Variants in THSD7A observed in about 807,000 individuals in gnomAD.
THSD7A encodes thrombospondin type-1 domain-containing protein 7A.
THSD7A carries 96 observed loss-of-function variants against 231.3 expected under a neutral mutation model. That is an observed-to-expected ratio of 0.41 (90% CI 0.35 to 0.49). The LOEUF is 0.49. Among genes scored for constraint, THSD7A ranks in the 20% least tolerant of loss-of-function variants. THSD7A has a pLI of 0.05. For missense variants in THSD7A, 2,290 were observed against 2,070.2 expected (o/e 1.11, Z -2.06); for synonymous variants, 940 against 743.3 (o/e 1.26, Z -4.30).
At chr7:11,580,057 T>C (rs911830330) in intron 4 of THSD7A, among the ~76,000 whole-genome samples, 1 of 152,160 alleles carries the variant, frequency 6.6e-6, no homozygotes, top group Non-Finnish European at 1.5e-5. Context: ...CTGTTTTTTT[T>C]AAAATAACAT....
chr7:11,778,914 C>G (rs992871160), intron 1 of THSD7A, among the ~76,000 whole-genome samples: 1 of 152,054 alleles, frequency 6.6e-6, no homozygotes, highest in Non-Finnish European at 1.5e-5. Context: ...TTATAAAGCA[C>G]TTTTACATAC....
chr7:11,462,005 C>T lies in THSD7A; in HGVS notation c.2501+6G>A, dbSNP rs964426321. ...CCTCCCTCACGATGCATTTCTCTAACCCTACCTGTAGCTTTGGCACGCTTG... is the reference window on the plus strand; with the variant it reads ...CCTCCCTCACGATGCATTTCTCTAATCCTACCTGTAGCTTTGGCACGCTTG... On this transcript the variant is annotated splice_donor_region_variant and intron_variant, in intron 10 of 27. Transcript: ENST00000423059. 1.9e-6 allele frequency: 3 copies of T among 1,612,940 alleles called. No homozygotes were observed. In the Admixed American group the frequency reaches 5.0e-5, roughly 27 times the overall value.
intron 2 of THSD7A, among the ~76,000 whole-genome samples, chr7:11,633,243 C>A (rs1295028650): frequency 2.0e-5 from 3 of 152,096 alleles, no homozygotes; most frequent in Non-Finnish European, 4.4e-5. Context: ...TCTCTTGGTC[C>A]TGCTAAGATT....
chr7:11,747,627 G>T (rs1418312561), intron 1 of THSD7A, among the ~76,000 whole-genome samples: 1 of 151,846 alleles, frequency 6.6e-6, no homozygotes, highest in Non-Finnish European at 1.5e-5. Context: ...GTCTCTACCT[G>T]TAAAAAAATG....
intron 1 of THSD7A, among the ~76,000 whole-genome samples, chr7:11,782,891 G>A (rs1169638779): frequency 1.3e-5 from 2 of 152,042 alleles, no homozygotes; most frequent in African/African-American, 4.8e-5. Context: ...AATCATTGTT[G>A]ACTGTCTGTT....
At chr7:11,554,477 C>T (rs775345665) in intron 4 of THSD7A, among the ~76,000 whole-genome samples, 3 of 151,918 alleles carry the variant, frequency 2.0e-5, no homozygotes, top group South Asian at 2.1e-4. Context: ...TGAGGATGTT[C>T]TTCTCTATTC....
chr7:11,747,883 G>A (rs1252229086), intron 1 of THSD7A, among the ~76,000 whole-genome samples: 5 of 151,902 alleles, frequency 3.3e-5, no homozygotes, highest in Non-Finnish European at 7.4e-5. Context: ...GTATAAAAAG[G>A]CACAATGATA....
intron 17 of THSD7A, 54 bp from the exon 18 acceptor site, chr7:11,412,854 G>C (rs1018458833): frequency 6.4e-7 from 1 of 1,567,682 alleles, no homozygotes; most frequent in South Asian, 1.2e-5. Context: ...CTACACAACT[G>C]GTATATTAGA....
At chr7:11,545,715 C>T (rs1789351683) in intron 4 of THSD7A, among the ~76,000 whole-genome samples, 1 of 152,204 alleles carries the variant, frequency 6.6e-6, no homozygotes, top group African/African-American at 2.4e-5. Flanking sequence ...GGGGAACCCA[C>T]TCCTCAACAG....
At chr7:11,381,657 G>T (rs1029406387) in intron 24 of THSD7A, among the ~76,000 whole-genome samples, 8 of 152,166 alleles carry the variant, frequency 5.3e-5, no homozygotes, top group Non-Finnish European at 1.0e-4. Context: ...CTATGCTATG[G>T]CAATTCCTAT....
chr7:11,661,344 C>T (rs915922817), intron 1 of THSD7A, among the ~76,000 whole-genome samples: 2 of 151,016 alleles, frequency 1.3e-5, no homozygotes, highest in Non-Finnish European at 3.0e-5. Context: ...CAAATTCAGG[C>T]AAAATTGCTA....
intron 4 of THSD7A, among the ~76,000 whole-genome samples, chr7:11,543,529 A>T (rs1789242104): frequency 6.6e-6 from 1 of 152,184 alleles, no homozygotes; most frequent in South Asian, 2.1e-4. Flanking sequence ...TATATGAAAA[A>T]AATGTCCACT....
At chr7:11,409,366 G>C (rs1465652389) in intron 19 of THSD7A, among the ~76,000 whole-genome samples, 1 of 152,200 alleles carries the variant, frequency 6.6e-6, no homozygotes, top group African/African-American at 2.4e-5. Flanking sequence ...AGTCCTTGAA[G>C]ACAGTGTTTG....
At chr7:11,603,808 C>T (rs1364868281) in intron 2 of THSD7A, among the ~76,000 whole-genome samples, 1 of 146,578 alleles carries the variant, frequency 6.8e-6, no homozygotes, top group Admixed American at 7.1e-5. Context: ...TATTCTCACT[C>T]ATAGGTGGGA....
intron 4 of THSD7A, among the ~76,000 whole-genome samples, chr7:11,587,945 A>C (rs942391961): frequency 4.6e-5 from 7 of 152,132 alleles, no homozygotes; most frequent in African/African-American, 1.7e-4. Context: ...ATATGTGAAA[A>C]CAAGTCATCT....
intron 1 of THSD7A, among the ~76,000 whole-genome samples, chr7:11,744,722 G>T (rs563284447): frequency 6.6e-5 from 10 of 151,644 alleles, no homozygotes; most frequent in Non-Finnish European, 1.2e-4. Flanking sequence ...ATAGTTTGCT[G>T]AGAATGATGG....
intron 6 of THSD7A, among the ~76,000 whole-genome samples, chr7:11,523,880 A>AT (rs547599727): frequency 6.6e-6 from 1 of 152,022 alleles, no homozygotes; most frequent in Admixed American, 6.6e-5. Context: ...ATTGTACACA[A>AT]TTTTTTTAAA....
At chr7:11,558,937 A>T (rs1036344694) in intron 4 of THSD7A, among the ~76,000 whole-genome samples, 1 of 151,966 alleles carries the variant, frequency 6.6e-6, no homozygotes, top group African/African-American at 2.4e-5. Context: ...TATTACTTAA[A>T]AGGAGAGAAG....
chr7:11,662,338 A>G (rs1002974756), intron 1 of THSD7A, among the ~76,000 whole-genome samples: 3 of 151,348 alleles, frequency 2.0e-5, no homozygotes, highest in African/African-American at 7.3e-5. Context: ...TGATAAAAGT[A>G]TCAGTTCACC....
Sources: allele counts gnomAD v4.1 joint callset (sites outside exome capture counted in the v4.1 genomes callset), GRCh38; gene constraint gnomAD v4.1.1; transcripts MANE v1.5; gene names NCBI Gene and HGNC (gene_info 2026-07-23, HGNC 2026-07-21).